Variants in PEX7 observed in about 807,000 individuals in gnomAD.
PEX7 encodes the protein PTS2 receptor.
Under a neutral mutation model 47.5 loss-of-function variants are expected in PEX7, and 34 were observed. That is an observed-to-expected ratio of 0.72 (90% CI 0.54 to 0.95). The LOEUF (loss-of-function observed/expected upper bound fraction) is 0.95. PEX7 is among the 40% of genes least tolerant of loss of function. PEX7 has a pLI of 0.00. For synonymous variants in PEX7, 141 were observed against 148.8 expected, an observed-to-expected ratio of 0.95 and a Z score of 0.38; for missense variants, 394 against 400.3, an observed-to-expected ratio of 0.98 and a Z score of 0.13.
At chr6:136,856,215 T>C (rs1774859458) in intron 5 of PEX7, among the ~76,000 whole-genome samples, 1 of 151,426 alleles carries the variant, frequency 6.6e-6, no homozygotes, top group Admixed American at 6.6e-5. Context: ...CCTGTTTCAT[T>C]ACATTACCTT....
At chr6:136,857,650 G>A (rs561879440) in intron 5 of PEX7, among the ~76,000 whole-genome samples, 1 of 150,304 alleles carries the variant, frequency 6.7e-6, no homozygotes, top group African/African-American at 2.5e-5. Flanking sequence ...CTTTCCTGCT[G>A]TTAGGAGACT....
Position 136,851,944 on chromosome 6 carries a change from T to C in PEX7, c.526+5763T>C, listed in dbSNP as rs550734017. Among the ~76,000 whole-genome samples the C allele has an allele frequency of 6.7e-3, 517 of 76,992 alleles. 8 individuals are homozygous for C. Among genetic ancestry groups the C allele is most frequent in the African/African-American group, 0.032 (484 of 14,922 alleles). 50.5% of individuals were successfully genotyped at this position (76,992 alleles called of 152,430 possible). On this transcript the variant is annotated intron_variant, in intron 5 of 9. Coordinates refer to ENST00000318471, the MANE Select transcript of PEX7 (RefSeq NM_000288.4). Reference sequence around the variant, plus strand: ...AGGTTGCGAAAATTTTCTCCCATGTTGTAGGTTGCCTGTTCACTCTGATGG... The same window carrying C: ...AGGTTGCGAAAATTTTCTCCCATGTCGTAGGTTGCCTGTTCACTCTGATGG...
intron 8 of PEX7, among the ~76,000 whole-genome samples, chr6:136,886,096 C>G (rs1224973279): frequency 6.6e-6 from 1 of 152,126 alleles, no homozygotes; most frequent in East Asian, 1.9e-4. Context: ...TTTCAGCGCT[C>G]TAGTCTTCAA....
At chr6:136,823,039 C>A in intron 1 of PEX7, 1 of 985,434 alleles carries the variant, frequency 1.0e-6, no homozygotes, top group Non-Finnish European at 1.2e-6. Flanking sequence ...GCCTAGTAGC[C>A]CGTGTCCTTG....
intron 5 of PEX7, among the ~76,000 whole-genome samples, chr6:136,865,628 A>C (rs1240625520): frequency 6.6e-6 from 1 of 152,176 alleles, no homozygotes; most frequent in Non-Finnish European, 1.5e-5. Context: ...AAATACAAAA[A>C]TTAGCTGGGC....
chr6:136,850,701 T>C (rs1229987314), intron 5 of PEX7, among the ~76,000 whole-genome samples: 2 of 152,210 alleles, frequency 1.3e-5, no homozygotes, highest in Admixed American at 1.3e-4. Flanking sequence ...TTTACAACAC[T>C]GTTTCAGAAC....
intron 9 of PEX7, among the ~76,000 whole-genome samples, chr6:136,905,539 C>T (rs368258282): frequency 1.2e-4 from 18 of 152,244 alleles, no homozygotes; most frequent in East Asian, 7.7e-4. Flanking sequence ...AGCCTTTTTT[C>T]AGACTTTTTT....
rs117580063 is a variant in PEX7, at chr6:136,843,021, G to A, written c.340-2594G>A. ...GTAGCTCCAGTAAAGGGTGAAACCA[G>A]CAGGGGTAGAGCTTTAGTTCCTTGA... On this transcript the variant is annotated intron_variant, in intron 3 of 9. Transcript: ENST00000318471. 3.1e-3 allele frequency among the ~76,000 whole-genome samples: 471 copies of A among 152,350 alleles called. 7 individuals carry two copies. The South Asian group carries it at 0.034, about 11-fold the overall frequency.
intron 3 of PEX7, among the ~76,000 whole-genome samples, chr6:136,843,553 G>A (rs546733592): frequency 6.6e-6 from 1 of 152,196 alleles, no homozygotes; most frequent in Non-Finnish European, 1.5e-5. Context: ...AAAATCTAAA[G>A]TATTTACCAT....
At position 136,900,635 on chromosome 6, in the gene PEX7, C is replaced by A. The variant is rs988859739; in HGVS notation, c.903+2394C>A. ...TTTCCCTTGACAGCGCAGTCAGGGA[C>A]CCCCATTTTATGAGACAGGGCAGGC... is the stretch of plus-strand genomic sequence containing the variant. On this transcript the variant is annotated intron_variant, in intron 9 of 9. Transcript: ENST00000318471. This position sits in a 1 kb window ranked among gnomAD's most constrained non-coding sequence, Gnocchi z 4.2. 2.1e-5 allele frequency: 7 copies of A among 332,992 alleles called. No homozygotes were observed. Among genetic ancestry groups the A allele is most frequent in the Non-Finnish European group, 3.5e-5 (6 of 170,884 alleles). The allele number at this position is 332,992 out of a possible 1,614,324, so 20.6% of individuals were successfully genotyped here.
chr6:136,830,029 T>C (rs1774265762), intron 3 of PEX7: 1 of 716,086 alleles, frequency 1.4e-6, no homozygotes, highest in African/African-American at 1.7e-5. Context: ...AGCTGTGTTG[T>C]GAAATAGAAG....
At chr6:136,874,721 T>G (rs1775240078) in intron 8 of PEX7, among the ~76,000 whole-genome samples, 1 of 152,046 alleles carries the variant, frequency 6.6e-6, no homozygotes, top group Non-Finnish European at 1.5e-5. Context: ...ATTTCTTCTC[T>G]TTCATTGGTT....
chr6:136,830,991 A>G (rs1774283329), intron 3 of PEX7, among the ~76,000 whole-genome samples: 2 of 152,238 alleles, frequency 1.3e-5, no homozygotes, highest in South Asian at 4.1e-4. Context: ...ATACATTTCA[A>G]GAGTTAAAAT....
intron 8 of PEX7, among the ~76,000 whole-genome samples, chr6:136,890,261 T>A (rs1775531695): frequency 6.6e-6 from 1 of 152,244 alleles, no homozygotes; most frequent in Non-Finnish European, 1.5e-5. Context: ...ATTTACAGTA[T>A]GTGTGTCTGT....
chr6:136,873,481 C>A (rs941147943), intron 8 of PEX7, among the ~76,000 whole-genome samples: 6 of 152,126 alleles, frequency 3.9e-5, no homozygotes, highest in African/African-American at 1.4e-4. Context: ...AATTTTGATA[C>A]TCAGTAGCAA....
chr6:136,825,695 G>A (rs180967965), intron 2 of PEX7, among the ~76,000 whole-genome samples: 41 of 152,124 alleles, frequency 2.7e-4, no homozygotes, highest in Non-Finnish European at 1.6e-4. Flanking sequence ...CACCACACCC[G>A]GCTAATTTTT....
intron 9 of PEX7, among the ~76,000 whole-genome samples, chr6:136,899,192 C>T (rs1426678699): frequency 2.7e-5 from 4 of 149,036 alleles, no homozygotes; most frequent in African/African-American, 9.9e-5. Flanking sequence ...ACAATTCTCC[C>T]ACCTCAGCCT....
At chr6:136,841,286 A>G (rs1420484419) in intron 3 of PEX7, among the ~76,000 whole-genome samples, 2 of 152,152 alleles carry the variant, frequency 1.3e-5, no homozygotes, top group African/African-American at 4.8e-5. Context: ...CAGTATATAT[A>G]AAATTACATT....
chr6:136,870,207 A>G (rs1307436047), intron 7 of PEX7, among the ~76,000 whole-genome samples: 4 of 152,222 alleles, frequency 2.6e-5, no homozygotes, highest in Admixed American at 6.5e-5. Context: ...TGGGCAATGT[A>G]GACATTCAAT....
Sources: gnomAD v4.1 joint callset for allele counts (sites outside exome capture counted in the v4.1 genomes callset) on GRCh38, gnomAD v4.1.1 for gene constraint, Gnocchi (gnomAD v3.1) non-coding constraint, MANE v1.5 for transcripts, NCBI Gene and HGNC (gene_info 2026-07-23, HGNC 2026-07-21) for gene names.